The following CYBA variants were observed in gnomAD, a reference collection of about 807,000 sequenced individuals.
CYBA encodes cytochrome b-245 light chain.
CYBA carries 21 observed loss-of-function variants against 20.8 expected under a neutral mutation model. The ratio of observed to expected loss-of-function variants is 1.01; its 90% CI spans 0.72 to 1.46. CYBA has a LOEUF of 1.46. Among genes scored for constraint, CYBA ranks in the 40% most tolerant of loss-of-function variants. The pLI, the probability that CYBA is intolerant of heterozygous loss-of-function variation, is 0.00. For missense variants in CYBA, 344 were observed against 287.0 expected (o/e 1.20, Z -1.43); for synonymous variants, 164 against 127.5 (o/e 1.29, Z -1.93).
chr16:88,646,497 A>AC (rs1567608969), intron 4 of CYBA: 1 of 697,562 alleles, frequency 1.4e-6, no homozygotes, highest in Non-Finnish European at 2.6e-6. Flanking sequence ...CCCAGGCAAG[A>AC]CCCCCCAGCA....
rs771957240 is a variant in CYBA, at chr16:88,648,059, A to G, written c.114T>C (p.Phe38=). The G allele has an allele frequency of 1.9e-6, 3 of 1,612,974 alleles. No homozygotes were observed. In the Admixed American group the frequency reaches 5.0e-5, roughly 27 times the overall value. ...TGGAAGGATACATGGAGTAGGCACC[A>G]AAGTACCACTGGGTGAAGCGCCCAG... ...ATAGRFTQWY[F]GAYSIVAGVF... Residue 38 remains phenylalanine, a synonymous_variant, in exon 2 of 6, where the codon TTT becomes TTC. Coordinates refer to ENST00000261623, the MANE Select transcript of CYBA (RefSeq NM_000101.4).
intron 1 of CYBA, chr16:88,650,550 A>C: frequency 2.1e-6 from 1 of 486,736 alleles, no homozygotes; most frequent in Non-Finnish European, 4.1e-6. Flanking sequence ...CCTCCAGGCC[A>C]GCTGGCTACC....
chr16:88,650,530 G>T, intron 1 of CYBA: 1 of 480,012 alleles, frequency 2.1e-6, no homozygotes, highest in South Asian at 1.5e-5. Context: ...CCCAAGCCCA[G>T]GGAGAGCGAC....
chr16:88,645,038 T>C lies in CYBA; in HGVS notation c.369+1078A>G. The C allele has an allele frequency of 6.3e-6, 4 of 631,374 alleles. No homozygotes were observed. The East Asian group carries it at 8.2e-5, about 13-fold the overall frequency. The allele number at this position is 631,374 out of a possible 1,614,324, so 39.1% of individuals were successfully genotyped here. ...GGTGGGAGAGATGGGGCCACATGGCTGGTGGTGGGTTGTCTGCTGAGGAGC... is the reference window on the plus strand; with the variant it reads ...GGTGGGAGAGATGGGGCCACATGGCCGGTGGTGGGTTGTCTGCTGAGGAGC... On this transcript the variant is annotated intron_variant, in intron 5 of 5. Transcript: ENST00000261623.
chr16:88,646,505 G>GC, intron 4 of CYBA: 1 of 698,308 alleles, frequency 1.4e-6, no homozygotes. Flanking sequence ...AGACCCCCCA[G>GC]CAGTGCATGC....
chr16:88,646,004 A>AG (rs1281750538), intron 5 of CYBA, 112 bp downstream of exon 5: 1 of 914,972 alleles, frequency 1.1e-6, no homozygotes, highest in Non-Finnish European at 1.7e-6. Context: ...ACTTGCTCCC[A>AG]GCCTTGGCTC....
At chr16:88,647,494 C>G (rs1457432515) in intron 2 of CYBA, among the ~76,000 whole-genome samples, 1 of 152,216 alleles carries the variant, frequency 6.6e-6, no homozygotes. Flanking sequence ...CACAGCTGCA[C>G]CACTGCACTG....
intron 1 of CYBA, chr16:88,650,607 C>T (rs890019237): frequency 7.8e-6 from 4 of 515,900 alleles, no homozygotes; most frequent in Admixed American, 2.6e-5. Flanking sequence ...AGCCCCCACT[C>T]GGGGGCTTCG....
At chr16:88,644,395 C>T (rs1330534960) in intron 5 of CYBA, among the ~76,000 whole-genome samples, 1 of 152,246 alleles carries the variant, frequency 6.6e-6, no homozygotes, top group African/African-American at 2.4e-5. Flanking sequence ...AGGGAAACCT[C>T]TGCTCTTCCG....
intron 4 of CYBA, 171 bp downstream of exon 4, chr16:88,646,584 C>G (rs1298830284): frequency 1.4e-6 from 1 of 720,964 alleles, no homozygotes; most frequent in Admixed American, 2.0e-5. Flanking sequence ...ATCCTGCACA[C>G]TAGACAGCAG....
rs1291407392 is a variant in CYBA at position 88,643,411 on chromosome 16, C to T, written c.530G>A (p.Gly177Glu). ...PSEEEAAVAA[G>E]GPPGGPQVNP... ...GACCTGGGGACCTCCCGGGGGTCCCCCCGCCGCCACCGCAGCCTCCTCCTC... is the reference window on the plus strand; with the variant it reads ...GACCTGGGGACCTCCCGGGGGTCCCTCCGCCGCCACCGCAGCCTCCTCCTC... The change falls in exon 6 of 6, where the codon GGG (glycine) becomes GAG (glutamate). Residue 177 changes from glycine to glutamate, a missense_variant. By Grantham distance (98) the Gly-to-Glu change is moderately conservative. Transcript: ENST00000261623. The surrounding 1 kb of genome is among the most constrained non-coding windows in gnomAD (Gnocchi z 4.3). The T allele has an allele frequency of 1.3e-6, 2 of 1,534,520 alleles. No individual in the cohort carries two copies. The highest frequency in any genetic ancestry group is 2.0e-5 in the Admixed American group (1 of 50,400).
intron 2 of CYBA, chr16:88,647,630 C>G (rs1226212416): frequency 2.7e-6 from 1 of 373,460 alleles, no homozygotes; most frequent in Non-Finnish European, 5.1e-6. Flanking sequence ...CTGCCCACGC[C>G]CTCCCTCCCA....
chr16:88,645,490 G>A (rs185586384), intron 5 of CYBA: 26 of 691,038 alleles, frequency 3.8e-5, no homozygotes, highest in Admixed American at 2.2e-4. Context: ...AGAGACCCCC[G>A]CAGTGAGAGG....
chr16:88,643,614 C>CTCCT lies in CYBA; in HGVS notation c.370-44_370-43insAGGA, dbSNP rs1907170579. ...GTTGAGCCGCGCCCCAGCGCCCGCC[C>CTCCT]TCCCTCCCTCCCTCCCTCCCCGGAG... On this transcript the variant is annotated intron_variant, in intron 5 of 5. Coordinates refer to ENST00000261623, the MANE Select transcript of CYBA (RefSeq NM_000101.4). The surrounding 1 kb of genome is among the most constrained non-coding windows in gnomAD (Gnocchi z 4.3). 3 of 1,427,272 alleles carry CTCCT rather than the reference C, an allele frequency of 2.1e-6. No homozygotes were observed. Among genetic ancestry groups the CTCCT allele is most frequent in the East Asian group, 5.3e-5 (2 of 37,810 alleles). 88.4% of individuals were successfully genotyped at this position (1,427,272 alleles called of 1,614,324 possible). A position where few individuals can be genotyped will look rare whatever the true frequency, so the allele number is the denominator to read the frequency against.
chr16:88,644,908 G>A (rs1907219863), intron 5 of CYBA: 2 of 551,494 alleles, frequency 3.6e-6, no homozygotes, highest in East Asian at 6.0e-5. Context: ...CAAGGGAGAA[G>A]AAACTCCAAC....
At chr16:88,649,160 A>G (rs1907411689) in intron 1 of CYBA, among the ~76,000 whole-genome samples, 1 of 148,024 alleles carries the variant, frequency 6.8e-6, no homozygotes, top group South Asian at 2.1e-4. Context: ...GATGGTCTCG[A>G]TCTCCTGACC....
rs112382207 is a variant in CYBA at position 88,644,950 on chromosome 16, C to T, written c.369+1166G>A. 652 of 589,138 alleles carry T rather than the reference C, an allele frequency of 1.1e-3. 7 individuals are homozygous for T. Among genetic ancestry groups the T allele is most frequent in the African/African-American group, 0.011 (571 of 53,828 alleles). The allele number at this position is 589,138 out of a possible 1,614,324, so 36.5% of individuals were successfully genotyped here. ...AATCCACAGTCAGAGAAGGGCGAGTCCAAGCTCCACACGGCCAGCTCGTGC... is the reference window on the plus strand; with the variant it reads ...AATCCACAGTCAGAGAAGGGCGAGTTCAAGCTCCACACGGCCAGCTCGTGC... On this transcript the variant is annotated intron_variant, in intron 5 of 5. Coordinates refer to ENST00000261623, the MANE Select transcript of CYBA (RefSeq NM_000101.4).
intron 1 of CYBA, among the ~76,000 whole-genome samples, chr16:88,649,113 A>G (rs1398008476): frequency 6.8e-6 from 1 of 146,218 alleles, no homozygotes; most frequent in African/African-American, 2.6e-5. Context: ...AATTTTTTGT[A>G]TTTTTAGTAG....
intron 4 of CYBA, 182 bp from the exon 5 acceptor site, chr16:88,646,379 C>T (rs1046141056): frequency 3.7e-5 from 24 of 657,472 alleles, no homozygotes; most frequent in Admixed American, 2.0e-4. Context: ...TGGACACTAG[C>T]GGCTCTGGTG....
Sources: gnomAD v4.1 joint callset for allele counts (sites outside exome capture counted in the v4.1 genomes callset) on GRCh38, gnomAD v4.1.1 for gene constraint, Gnocchi (gnomAD v3.1) non-coding constraint, MANE v1.5 for transcripts, NCBI Gene and HGNC (gene_info 2026-07-23, HGNC 2026-07-21) for gene names.